DCTN5: variants seen among roughly 807,000 people sequenced by gnomAD.
The protein encoded by DCTN5 is dynactin 4.
A neutral mutation model predicts 23.5 loss-of-function variants in DCTN5; 14 were observed. The ratio of observed to expected loss-of-function variants is 0.60; its 90% CI spans 0.39 to 0.93. The LOEUF is 0.93. Among genes scored for constraint, DCTN5 ranks in the 40% least tolerant of loss-of-function variants. The pLI, the probability that DCTN5 is intolerant of heterozygous loss-of-function variation, is 0.00. For missense variants in DCTN5, 156 were observed against 225.9 expected (o/e 0.69, Z 1.98); for synonymous variants, 67 against 79.6 (o/e 0.84, Z 0.84).
At chr16:23,647,527 G>T (rs1324042936) in intron 2 of DCTN5, among the ~76,000 whole-genome samples, 3 of 151,024 alleles carry the variant, frequency 2.0e-5, no homozygotes, top group Non-Finnish European at 2.9e-5. Flanking sequence ...TTGGGGGAGG[G>T]GGATGGAGTA....
intron 4 of DCTN5, 125 bp downstream of exon 4, chr16:23,661,406 G>T: frequency 1.5e-6 from 1 of 651,480 alleles, no homozygotes; most frequent in Non-Finnish European, 2.6e-6. Context: ...TCCCAGAGTT[G>T]GATTTTTCTT....
chr16:23,658,427 T>C, intron 2 of DCTN5, 80 bp from the exon 3 acceptor site: 4 of 877,818 alleles, frequency 4.6e-6, no homozygotes. Flanking sequence ...TAACTCAGAA[T>C]CAGTATCTCG....
Position 23,672,233 on chromosome 16 carries a change from A to C in DCTN5, c.*5089A>C, listed in dbSNP as rs1968019076. 6.6e-6 allele frequency: 1 copy of C among 152,238 alleles called. No homozygotes were observed. Among genetic ancestry groups the C allele is most frequent in the Non-Finnish European group, 1.5e-5 (1 of 68,042 alleles). The allele number at this position is 152,238 out of a possible 1,614,324, so 9.4% of individuals were successfully genotyped here. ...TTTTTATTTCAATAATAACAGAAACAACTGTCAAAACCATGTGCCTGTACT... is the reference window on the plus strand; with the variant it reads ...TTTTTATTTCAATAATAACAGAAACCACTGTCAAAACCATGTGCCTGTACT... On this transcript the variant is annotated 3_prime_UTR_variant, in exon 6 of 6. Transcript: ENST00000300087.
rs759145653 is a variant in DCTN5 at position 23,671,418 on chromosome 16, T to C, written c.*4274T>C. ...AATAAAATTTAAAACATCTTGCCCT[T>C]TATAATCAGTCCGCCACAAACAAGA... On this transcript the variant is annotated 3_prime_UTR_variant, in exon 6 of 6. Coordinates refer to ENST00000300087, the MANE Select transcript of DCTN5 (RefSeq NM_032486.4). The C allele has an allele frequency of 3.9e-5, 6 of 152,210 alleles. No individual in the cohort carries two copies. Among genetic ancestry groups the C allele is most frequent in the Non-Finnish European group, 8.8e-5 (6 of 68,044 alleles). The allele number at this position is 152,210 out of a possible 1,614,324, so 9.4% of individuals were successfully genotyped here. A position where few individuals can be genotyped will look rare whatever the true frequency, so the allele number is the denominator to read the frequency against.
At chr16:23,651,767 A>G (rs1228582931) in intron 2 of DCTN5, among the ~76,000 whole-genome samples, 2 of 152,202 alleles carry the variant, frequency 1.3e-5, no homozygotes, top group African/African-American at 4.8e-5. Flanking sequence ...GCTCATGCCT[A>G]TAATCCCAGC....
chr16:23,657,605 G>A (rs946368698), intron 2 of DCTN5: 3 of 276,696 alleles, frequency 1.1e-5, no homozygotes, highest in Non-Finnish European at 1.5e-5. Flanking sequence ...CACCATGTCC[G>A]GCTAATTTTT....
chr16:23,648,511 G>C (rs868313408), intron 2 of DCTN5, among the ~76,000 whole-genome samples: 5 of 151,684 alleles, frequency 3.3e-5, no homozygotes, highest in Non-Finnish European at 4.4e-5. Flanking sequence ...CACCATGTCT[G>C]GCTAATTTTT....
At chr16:23,658,187 G>A (rs1355704940) in intron 2 of DCTN5, among the ~76,000 whole-genome samples, 1 of 152,202 alleles carries the variant, frequency 6.6e-6, no homozygotes, top group Admixed American at 6.5e-5. Context: ...GGGGGCATGA[G>A]GACTTACCTG....
intron 2 of DCTN5, among the ~76,000 whole-genome samples, chr16:23,643,515 A>G (rs914377461): frequency 1.3e-4 from 20 of 152,164 alleles, no homozygotes; most frequent in African/African-American, 4.6e-4. Flanking sequence ...CTTGAATGCA[A>G]AAAGGTTCAA....
chr16:23,662,477 G>C (rs1657698744), intron 4 of DCTN5, among the ~76,000 whole-genome samples: 1 of 152,146 alleles, frequency 6.6e-6, no homozygotes, highest in Non-Finnish European at 1.5e-5. Context: ...ACCATGTTTA[G>C]GGAAAGTGTT....
chr16:23,666,783 A>C, intron 5 of DCTN5: 1 of 504,112 alleles, frequency 2.0e-6, no homozygotes, highest in Non-Finnish European at 3.5e-6. Flanking sequence ...TCGGGGAGGC[A>C]TTTGGCCATT....
At chr16:23,649,270 T>G (rs1421082515) in intron 2 of DCTN5, among the ~76,000 whole-genome samples, 1 of 152,192 alleles carries the variant, frequency 6.6e-6, no homozygotes, top group Non-Finnish European at 1.5e-5. Flanking sequence ...TTAGATTGAG[T>G]TTTTTTGCAG....
chr16:23,666,952 G>T, intron 5 of DCTN5, 95 bp from the exon 6 acceptor site: 1 of 1,544,064 alleles, frequency 6.5e-7, no homozygotes, highest in East Asian at 2.3e-5. Flanking sequence ...TGTCAGACAT[G>T]CATCTGATTG....
In DCTN5 at chr16:23,646,726, G is replaced by A. The variant is rs565599635; in HGVS notation, c.117+3703G>A. 1.6e-4 allele frequency among the ~76,000 whole-genome samples: 25 copies of A among 152,136 alleles called. 1 individual carries two copies. The highest frequency in any genetic ancestry group is 1.5e-3 in the East Asian group (8 of 5,166). ...CAAGTAGCTGGGATTACAGGCATGCGCCACCATGCCTGACTAATTTTGTAT... is the reference window on the plus strand; with the variant it reads ...CAAGTAGCTGGGATTACAGGCATGCACCACCATGCCTGACTAATTTTGTAT... On this transcript the variant is annotated intron_variant, in intron 2 of 5. Coordinates refer to ENST00000300087, the MANE Select transcript of DCTN5 (RefSeq NM_032486.4).
At chr16:23,642,542 G>A (rs996096049) in intron 1 of DCTN5, 4 of 162,444 alleles carry the variant, frequency 2.5e-5, no homozygotes, top group East Asian at 1.8e-4. Flanking sequence ...GAGTGCAGTG[G>A]CACAATCACA....
chr16:23,643,907 T>C (rs1355710428), intron 2 of DCTN5, among the ~76,000 whole-genome samples: 1 of 151,964 alleles, frequency 6.6e-6, no homozygotes, highest in Non-Finnish European at 1.5e-5. Flanking sequence ...AACAGTGAAG[T>C]TCACAGTTGT....
Position 23,658,005 on chromosome 16 carries a change from C to T in DCTN5, c.118-502C>T, listed in dbSNP as rs1012971266. Among the ~76,000 whole-genome samples, 17 of 152,282 alleles carry T rather than the reference C, an allele frequency of 1.1e-4. 1 individual carries two copies. The highest frequency in any genetic ancestry group is 4.6e-4 in the Admixed American group (7 of 15,300). On this transcript the variant is annotated intron_variant, in intron 2 of 5. Coordinates refer to ENST00000300087, the MANE Select transcript of DCTN5 (RefSeq NM_032486.4). ...AGGGGAACAACTTCTGGGGAAGCCA[C>T]GCCTTACACTTTGCAGTGTAGCACT...
In DCTN5 at chr16:23,667,505, T is replaced by C. The variant is rs147921513; in HGVS notation, c.*361T>C. 249 of 228,470 alleles carry C rather than the reference T, an allele frequency of 1.1e-3. No individual in the cohort carries two copies. Among genetic ancestry groups the C allele is most frequent in the African/African-American group, 5.2e-3 (234 of 45,062 alleles). The allele number at this position is 228,470 out of a possible 1,614,324, so 14.2% of individuals were successfully genotyped here. On this transcript the variant is annotated 3_prime_UTR_variant, in exon 6 of 6. Transcript: ENST00000300087. ...CTGCAGAGCAGCAGCACCCTTCCGG[T>C]GTGGAGGCTATGTAGCTGGTGCGCT...
intron 2 of DCTN5, among the ~76,000 whole-genome samples, chr16:23,645,805 C>CT (rs944286134): frequency 2.6e-5 from 4 of 152,168 alleles, no homozygotes; most frequent in Admixed American, 2.0e-4. Flanking sequence ...TGGATTGTTT[C>CT]TACCCTTTGG....
Sources: allele counts gnomAD v4.1 joint callset (sites outside exome capture counted in the v4.1 genomes callset), GRCh38; gene constraint gnomAD v4.1.1; transcripts MANE v1.5; gene names NCBI Gene and HGNC (gene_info 2026-07-23, HGNC 2026-07-21).